Variants in REXO5 observed in about 807,000 individuals in gnomAD.
REXO5 encodes exonuclease NEF-sp.
A neutral mutation model predicts 88.5 loss-of-function variants in REXO5; 48 were observed. The ratio of observed to expected loss-of-function variants is 0.54; its 90% CI spans 0.43 to 0.69. The LOEUF is 0.69. REXO5 is among the 30% of genes least tolerant of loss of function. The pLI is 0.00. For synonymous variants in REXO5, 311 were observed against 336.5 expected, an observed-to-expected ratio of 0.92 and a Z score of 0.83; for missense variants, 749 against 912.2, an observed-to-expected ratio of 0.82 and a Z score of 2.30.
chr16:20,821,607 A>T (rs895300070), intron 5 of REXO5, among the ~76,000 whole-genome samples, 155 bp from the exon 6 acceptor site: 2 of 152,124 alleles, frequency 1.3e-5, no homozygotes, highest in African/African-American at 4.8e-5. Flanking sequence ...CTGTGTTCTT[A>T]TAATTGTAAT....
intron 5 of REXO5, among the ~76,000 whole-genome samples, chr16:20,816,474 C>T (rs2081083650): frequency 6.6e-6 from 1 of 152,090 alleles, no homozygotes; most frequent in Non-Finnish European, 1.5e-5. Context: ...ACTACCAGCA[C>T]AGGCCACATC....
At chr16:20,820,532 ATATATATATATATTTTTTTTTTTTTTT>A (rs1567389232) in intron 5 of REXO5, among the ~76,000 whole-genome samples, 1 of 9,986 alleles carries the variant, frequency 1.0e-4, no homozygotes, top group African/African-American at 3.9e-4. Context: ...ATATATATAT[ATATATATATATATTTTTTTTTTTTTTT>A]TTTTTTTTTT....
upstream of REXO5, chr16:20,806,523 G>T: frequency 2.0e-6 from 3 of 1,535,276 alleles, no homozygotes; most frequent in African/African-American, 1.4e-5. Context: ...GCTGAGGGGC[G>T]GTTGTTGTTG....
rs1316260580 is a variant in REXO5, at chr16:20,827,132, C to A, written c.896C>A (p.Ala299Glu). 1 of 1,613,976 alleles carries A rather than the reference C, an allele frequency of 6.2e-7. No individual in the cohort carries two copies. ...KLKDVQRQLK[A>E]LLPPDAVLVG... is the part of the protein sequence containing the mutation. ...AAAGATGTACAGAGGCAGTTAAAAG[C>A]ACTGCTTCCTCCTGATGCTGTGTTA... The change falls in exon 9 of 20, where the codon GCA (alanine) becomes GAA (glutamate). Residue 299 changes from alanine (A) to glutamate (E), a missense_variant. Physicochemically the swap from Ala to Glu is moderately radical, Grantham distance 107. Transcript: ENST00000261377.
At position 20,819,000 on chromosome 16, in the gene REXO5, C is replaced by T. The variant is rs192755477; in HGVS notation, c.476-2762C>T. ...CCATGTGTTTTCATCATTCAGCTCC[C>T]TCTTATAAGTGAGAACATGGTGTTG... On this transcript the variant is annotated intron_variant, in intron 5 of 19. Coordinates refer to ENST00000261377, the MANE Select transcript of REXO5 (RefSeq NM_030941.3). Among the ~76,000 whole-genome samples, 428 of 152,306 alleles carry T rather than the reference C, an allele frequency of 2.8e-3. 1 individual carries two copies. The highest frequency in any genetic ancestry group is 5.1e-3 in the Non-Finnish European group (344 of 68,026).
At chr16:20,814,081 C>G (rs2081044573) in intron 3 of REXO5, among the ~76,000 whole-genome samples, 1 of 150,594 alleles carries the variant, frequency 6.6e-6, no homozygotes, top group Non-Finnish European at 1.5e-5. Flanking sequence ...GTCAGTTTAT[C>G]TAAAACTGTT....
intron 5 of REXO5, among the ~76,000 whole-genome samples, chr16:20,817,898 AT>A (rs1218439520): frequency 6.6e-6 from 1 of 152,134 alleles, no homozygotes; most frequent in African/African-American, 2.4e-5. Context: ...TCCAATTGCT[AT>A]TTGGATATTC....
At chr16:20,830,412 T>A (rs1017861648) in intron 11 of REXO5, among the ~76,000 whole-genome samples, 1 of 151,682 alleles carries the variant, frequency 6.6e-6, no homozygotes, top group African/African-American at 2.4e-5. Context: ...GCCAGGCTGG[T>A]CTCAAACTCC....
rs1010007228 is a variant in REXO5 at position 20,806,710 on chromosome 16, C to G, written c.-3+5C>G. 1 of 992,094 alleles carries G rather than the reference C, an allele frequency of 1.0e-6. No individual in the cohort carries two copies. Among genetic ancestry groups the G allele is most frequent in the Non-Finnish European group, 1.4e-6 (1 of 696,712 alleles). The allele number at this position is 992,094 out of a possible 1,614,324, so 61.5% of individuals were successfully genotyped here. A position where few individuals can be genotyped will look rare whatever the true frequency, so the allele number is the denominator to read the frequency against. ...TGGGGAACCGTTGAGAATCCGGTAA[C>G]CGATGCGGACGGTAAAGCCGTTTGG... is the stretch of plus-strand genomic sequence containing the variant. On this transcript the variant is annotated splice_donor_5th_base_variant and intron_variant, in intron 1 of 19. Coordinates refer to ENST00000261377, the MANE Select transcript of REXO5 (RefSeq NM_030941.3).
intron 13 of REXO5, among the ~76,000 whole-genome samples, chr16:20,837,276 C>G (rs1720940212): frequency 6.6e-6 from 1 of 152,102 alleles, no homozygotes; most frequent in Non-Finnish European, 1.5e-5. Context: ...TGTTTAAAGT[C>G]TAATTGTTTT....
rs764093974 is a variant in REXO5, at chr16:20,832,230, A to T, written c.1233A>T (p.Thr411=). ...CAGCAGGCCAAGAGCCTAAAAACAC[A>T]GCAGAAGTACTTCAGCACCCAAACA... The part of the protein sequence containing the change: ...IQAAGQEPKN[T]AEVLQHPNTS... The change falls in exon 12 of 20, where the codon ACA becomes ACT. Residue 411 remains threonine, a synonymous_variant. Transcript: ENST00000261377. 17 of 1,612,150 alleles carry T rather than the reference A, an allele frequency of 1.1e-5. 1 individual carries two copies. The Middle Eastern group carries it at 6.6e-4, about 62-fold the overall frequency.
intron 15 of REXO5, among the ~76,000 whole-genome samples, chr16:20,843,612 T>C (rs2081562906): frequency 1.3e-5 from 2 of 152,218 alleles, no homozygotes; most frequent in South Asian, 4.1e-4. Flanking sequence ...CCCAAGCTTA[T>C]AAAGTTAAGC....
rs967551477 is a variant in REXO5, at chr16:20,827,078, A to G, written c.842A>G (p.Lys281Arg). The change falls in exon 9 of 20, where the codon AAG (lysine) becomes AGG (arginine). Residue 281 changes from lysine (K) to arginine (R), a missense_variant. Coordinates refer to ENST00000261377, the MANE Select transcript of REXO5 (RefSeq NM_030941.3). ...GAAAGCTTTTCGGGAATCACGAAGA[A>G]GATTCTTAACCCAGTGACGACCAAA... ...YLTSFSGITK[K>R]ILNPVTTKLK... The G allele has an allele frequency of 1.2e-6, 2 of 1,613,920 alleles. No homozygotes were observed. Among genetic ancestry groups the G allele is most frequent in the East Asian group, 2.2e-5 (1 of 44,890 alleles).
rs1380409358 is a variant in REXO5 at position 20,846,250 on chromosome 16, A to G, written c.2154A>G (p.Ala718=). 6.2e-7 allele frequency: 1 copy of G among 1,614,062 alleles called. No homozygotes were observed. The highest frequency in any genetic ancestry group is 1.7e-5 in the Admixed American group (1 of 60,026). Residue 718 remains alanine (A), a synonymous_variant, in exon 19 of 20, where the codon GCA becomes GCG. Transcript: ENST00000261377. The part of the protein sequence containing the change: ...QTLKLDHPKI[A]AWRWSRKIGK... ...TGAAACTGGACCACCCGAAGATAGC[A>G]GCCTGGCGCTGGAGCCGGAAGATTG...
rs750565723 is a variant in REXO5 at position 20,821,883 on chromosome 16, G to A, written c.597G>A (p.Thr199=). The A allele has an allele frequency of 8.2e-6, 13 of 1,584,812 alleles. No homozygotes were observed. The highest frequency in any genetic ancestry group is 4.6e-5 in the East Asian group (2 of 43,936). ...TTCTGACAAAGGAGGAAATGAGAAC[G>A]TTTCACTTTCCATTACAAGGTTGGC... ...RCLLTKEEMR[T]FHFPLQGFPD... The change falls in exon 6 of 20, where the codon ACG becomes ACA. Residue 199 remains threonine (T), a synonymous_variant. Coordinates refer to ENST00000261377, the MANE Select transcript of REXO5 (RefSeq NM_030941.3).
chr16:20,812,482 G>A lies in REXO5; in HGVS notation c.139-708G>A, dbSNP rs142604455. Among the ~76,000 whole-genome samples, 289 of 152,248 alleles carry A rather than the reference G, an allele frequency of 1.9e-3. 1 individual carries two copies. Among genetic ancestry groups the A allele is most frequent in the African/African-American group, 6.8e-3 (284 of 41,548 alleles). On this transcript the variant is annotated intron_variant, in intron 2 of 19. Coordinates refer to ENST00000261377, the MANE Select transcript of REXO5 (RefSeq NM_030941.3). Reference sequence around the variant, plus strand: ...AGAGGTTGTAGTGAGCAAAGATAGCGCCACTGTACTCCATCCTGGGTGACA... The same window carrying A: ...AGAGGTTGTAGTGAGCAAAGATAGCACCACTGTACTCCATCCTGGGTGACA...
intron 18 of REXO5, 33 bp from the exon 19 acceptor site, chr16:20,846,188 T>A (rs766859245): frequency 4.6e-6 from 7 of 1,536,300 alleles, no homozygotes; most frequent in Non-Finnish European, 6.3e-6. Context: ...GAGAGTGTTC[T>A]GGCTGAGTAT....
At position 20,814,970 on chromosome 16, in the gene REXO5, G is replaced by A. The variant is rs776585437; in HGVS notation, c.295G>A (p.Val99Ile). The change falls in exon 4 of 20, where the codon GTT becomes ATT. Residue 99 changes from valine (V) to isoleucine (I), a missense_variant. Physicochemically the swap from Val to Ile is conservative, Grantham distance 29 (BLOSUM62 3). Transcript: ENST00000261377. Reference sequence around the variant, plus strand: ...TCAAAACCACCTAAACAACGTAGTGGTTTTTGTTCTGCAGGGAATGAGTCA... The same window carrying A: ...TCAAAACCACCTAAACAACGTAGTGATTTTTGTTCTGCAGGGAATGAGTCA... The part of the protein sequence containing the change: ...FHQNHLNNVV[V>I]FVLQGMSQLH... The A allele has an allele frequency of 3.7e-6, 6 of 1,613,726 alleles. No individual in the cohort carries two copies. The highest frequency in any genetic ancestry group is 5.1e-6 in the Non-Finnish European group (6 of 1,179,890).
At chr16:20,837,000 A>G (rs1055075944) in intron 13 of REXO5, among the ~76,000 whole-genome samples, 1 of 152,152 alleles carries the variant, frequency 6.6e-6, no homozygotes, top group Non-Finnish European at 1.5e-5. Context: ...GAGTTTTAAT[A>G]GTTCTTTGTA....
Sources: allele counts gnomAD v4.1 joint callset (sites outside exome capture counted in the v4.1 genomes callset), GRCh38; gene constraint gnomAD v4.1.1; transcripts MANE v1.5; gene names NCBI Gene and HGNC (gene_info 2026-07-23, HGNC 2026-07-21).